Variants in SH2B3 observed in about 807,000 individuals in gnomAD.
SH2B3 encodes the protein SH2B adapter protein 3.
SH2B3 carries 43 observed loss-of-function variants against 51.9 expected under a neutral mutation model. The observed-to-expected ratio is 0.83, with a 90% CI of 0.65 to 1.07. The LOEUF (loss-of-function observed/expected upper bound fraction) is 1.07, where lower values mean the gene tolerates loss of function less well. SH2B3 is among the 50% of genes least tolerant of loss of function. The probability of loss-of-function intolerance (pLI) is 0.00; values close to 1 mark genes in which losing one functional copy is unlikely to be tolerated. For missense variants in SH2B3, 952 were observed against 834.3 expected (o/e 1.14, Z -1.74); for synonymous variants, 396 against 376.0 (o/e 1.05, Z -0.62).
At chr12:111,445,249 G>C (rs1234081763) in intron 2 of SH2B3, among the ~76,000 whole-genome samples, 3 of 152,228 alleles carry the variant, frequency 2.0e-5, no homozygotes, top group Admixed American at 2.0e-4. Flanking sequence ...CTGCAGCTAG[G>C]GGGAAGGGTG....
intron 2 of SH2B3, chr12:111,434,980 C>G: frequency 1.3e-6 from 2 of 1,535,626 alleles, no homozygotes; most frequent in Non-Finnish European, 1.7e-6. Context: ...CCCTCCACCC[C>G]AGAAGCCCTT....
chr12:111,430,954 A>G (rs1037878794), intron 2 of SH2B3, among the ~76,000 whole-genome samples: 2 of 139,076 alleles, frequency 1.4e-5, no homozygotes, highest in Admixed American at 1.5e-4. Context: ...GAAATCCCCC[A>G]CCCAGTTCTT....
At position 111,429,276 on chromosome 12, in the gene SH2B3, C is replaced by T. The variant is rs976741529; in HGVS notation, c.732+10399C>T. On this transcript the variant is annotated intron_variant, in intron 2 of 7. Coordinates refer to ENST00000341259, the MANE Select transcript of SH2B3 (RefSeq NM_005475.3). The surrounding 1 kb of genome is among the most constrained non-coding windows in gnomAD (Gnocchi z 4.4). ...AGCTGTGCCCAACACAGCCAGTGTT[C>T]GCTGGGGCCTGCAAGGCTTTGCTGC... Among the ~76,000 whole-genome samples, 3 of 152,196 alleles carry T rather than the reference C, an allele frequency of 2.0e-5. No homozygotes were observed. The highest frequency in any genetic ancestry group is 6.5e-5 in the Admixed American group (1 of 15,286).
chr12:111,420,083 CA>C (rs911170916), intron 2 of SH2B3, among the ~76,000 whole-genome samples: 1 of 152,180 alleles, frequency 6.6e-6, no homozygotes, highest in Non-Finnish European at 1.5e-5. Context: ...CTGGCATTGA[CA>C]GATTGGTGTT....
chr12:111,438,944 T>C lies in SH2B3; in HGVS notation c.733-7809T>C, dbSNP rs990516619. On this transcript the variant is annotated intron_variant, in intron 2 of 7. Transcript: ENST00000341259. This position sits in a 1 kb window ranked among gnomAD's most constrained non-coding sequence, Gnocchi z 4.2. ...GAGGAGGTAACAAGGGTCTCTCAGA[T>C]GAGGACCACAGGGGAGTTTTTGTTT... 6.6e-6 allele frequency among the ~76,000 whole-genome samples: 1 copy of C among 152,138 alleles called. No homozygotes were observed. The highest frequency in any genetic ancestry group is 1.5e-5 in the Non-Finnish European group (1 of 68,032).
chr12:111,419,637 A>C (rs1481921270), intron 2 of SH2B3, among the ~76,000 whole-genome samples: 1 of 121,972 alleles, frequency 8.2e-6, no homozygotes, highest in Non-Finnish European at 1.5e-5. Flanking sequence ...ACTCTGTCTC[A>C]AAAAAAAAAA....
In SH2B3 at chr12:111,429,014, G is replaced by GTGA; in HGVS notation, c.732+10137_732+10138insTGA. On this transcript the variant is annotated intron_variant, in intron 2 of 7. Coordinates refer to ENST00000341259, the MANE Select transcript of SH2B3 (RefSeq NM_005475.3). This position sits in a 1 kb window ranked among gnomAD's most constrained non-coding sequence, Gnocchi z 4.4. The stretch of plus-strand genomic sequence containing the variant: ...GGCGGTTTCCTCTCGGGGCAGGAGT[G>GTGA]CGAGGAGGAGGAGGAGGAGGAGGAG... Among the ~76,000 whole-genome samples the GTGA allele has an allele frequency of 7.0e-6, 1 of 142,536 alleles. No homozygotes were observed. The highest frequency in any genetic ancestry group is 1.5e-5 in the Non-Finnish European group (1 of 65,416). The allele number at this position is 142,536 out of a possible 152,430, so 93.5% of individuals were successfully genotyped here. A position where few individuals can be genotyped will look rare whatever the true frequency, so the allele number is the denominator to read the frequency against.
rs923627606 is a variant in SH2B3, at chr12:111,407,562, G to A, written c.-28+1285G>A. On this transcript the variant is annotated intron_variant, in intron 1 of 7. Transcript: ENST00000341259. The surrounding 1 kb of genome is among the most constrained non-coding windows in gnomAD (Gnocchi z 4.3). The stretch of plus-strand genomic sequence containing the variant: ...GACCTGCCCTCGTGGAGGGAGAGCC[G>A]TCAGAGGCCACCTGGGCAGGCTGGG... Among the ~76,000 whole-genome samples, 1 of 152,178 alleles carries A rather than the reference G, an allele frequency of 6.6e-6. No homozygotes were observed. Among genetic ancestry groups the A allele is most frequent in the African/African-American group, 2.4e-5 (1 of 41,438 alleles).
At chr12:111,424,755 G>C (rs1871857061) in intron 2 of SH2B3, among the ~76,000 whole-genome samples, 1 of 152,140 alleles carries the variant, frequency 6.6e-6, no homozygotes, top group Non-Finnish European at 1.5e-5. Context: ...ATGGGCCAAG[G>C]GTGCTCAGAC....
chr12:111,426,230 T>C (rs1188696955), intron 2 of SH2B3, among the ~76,000 whole-genome samples: 1 of 151,754 alleles, frequency 6.6e-6, no homozygotes, highest in Non-Finnish European at 1.5e-5. Flanking sequence ...TCAGACAAGG[T>C]AGGTTGGAGA....
intron 2 of SH2B3, among the ~76,000 whole-genome samples, chr12:111,428,560 G>A (rs929662251): frequency 2.6e-5 from 4 of 152,276 alleles, no homozygotes; most frequent in Non-Finnish European, 5.9e-5. Context: ...CACCCTTCTG[G>A]CAGGAGACAT....
rs755803213 is a variant in SH2B3 at position 111,447,785 on chromosome 12, G to A, written c.1366G>A (p.Val456Ile). 6.2e-7 allele frequency: 1 copy of A among 1,614,160 alleles called. No individual in the cohort carries two copies. Among genetic ancestry groups the A allele is most frequent in the South Asian group, 1.1e-5 (1 of 91,080 alleles). ...ACTCGAGTGCGGCGCCGCCTGTGAT[G>A]TCCGGCTCTCCAGCTACGTGGTAGT... ...IPLECGAACD[V>I]RLSSYVVVVS... Residue 456 changes from valine to isoleucine, a missense_variant, in exon 7 of 8, where the codon GTC becomes ATC. By Grantham distance (29) the Val-to-Ile change is conservative. Coordinates refer to ENST00000341259, the MANE Select transcript of SH2B3 (RefSeq NM_005475.3).
chr12:111,447,245 T>TAGCC, intron 5 of SH2B3, 26 bp downstream of exon 5: 1 of 1,598,512 alleles, frequency 6.3e-7, no homozygotes, highest in Non-Finnish European at 8.6e-7. Flanking sequence ...GCTAGGCCAT[T>TAGCC]GTCTTCTGGG....
chr12:111,422,759 G>A (rs1043913644), intron 2 of SH2B3, among the ~76,000 whole-genome samples: 3 of 151,458 alleles, frequency 2.0e-5, no homozygotes, highest in African/African-American at 4.9e-5. Context: ...ATGGGTTTTC[G>A]CCATGTTGGC....
At position 111,435,049 on chromosome 12, in the gene SH2B3, C is replaced by T. The variant is rs1166293864; in HGVS notation, c.733-11704C>T. On this transcript the variant is annotated intron_variant, in intron 2 of 7. Coordinates refer to ENST00000341259, the MANE Select transcript of SH2B3 (RefSeq NM_005475.3). The surrounding 1 kb of genome is among the most constrained non-coding windows in gnomAD (Gnocchi z 4.8). Reference sequence around the variant, plus strand: ...GAAGGCAGGCAGTAGCTACCGTTGTCTGGGGCTTTGGGGATCTTGGTGGTG... The same window carrying T: ...GAAGGCAGGCAGTAGCTACCGTTGTTTGGGGCTTTGGGGATCTTGGTGGTG... 6.5e-7 allele frequency: 1 copy of T among 1,529,094 alleles called. No homozygotes were observed. Among genetic ancestry groups the T allele is most frequent in the Non-Finnish European group, 8.8e-7 (1 of 1,141,360 alleles). The allele number at this position is 1,529,094 out of a possible 1,614,324, so 94.7% of individuals were successfully genotyped here.
chr12:111,447,020 T>G lies in SH2B3; in HGVS notation c.913T>G (p.Cys305Gly). 2 of 1,613,830 alleles carry G rather than the reference T, an allele frequency of 1.2e-6. No homozygotes were observed. Among genetic ancestry groups the G allele is most frequent in the South Asian group, 1.1e-5 (1 of 91,060 alleles). The change falls in exon 4 of 8, where the codon TGC (cysteine) becomes GGC (glycine). Residue 305 changes from cysteine to glycine, a missense_variant. Coordinates refer to ENST00000341259, the MANE Select transcript of SH2B3 (RefSeq NM_005475.3). ...TTCATGGATGGCTGAGCTCTCGGAG[T>G]GCACAGGCCGAGGGTGAGGTCCTGG... ...LNSWMAELSE[C>G]TGRGLESTEA...
Position 111,447,208 on chromosome 12 carries a change from C to A in SH2B3, c.1010C>A (p.Ser337Tyr). 6.2e-7 allele frequency: 1 copy of A among 1,613,082 alleles called. No individual in the cohort carries two copies. The highest frequency in any genetic ancestry group is 1.3e-5 in the African/African-American group (1 of 75,026). The change falls in exon 5 of 8, where the codon TCC (serine) becomes TAC (tyrosine). Residue 337 changes from serine to tyrosine, a missense_variant. Transcript: ENST00000341259. ...AGCTCCCCAAGGGGCAGCACAGATT[C>A]CCTTAACCAAGGTGGGTAAACCAAT... ...TSSSPRGSTDSLNQGASPGGL... is the reference protein window; with the variant it reads ...TSSSPRGSTDYLNQGASPGGL...
chr12:111,446,951 C>A lies in SH2B3; in HGVS notation c.844C>A (p.Arg282=), dbSNP rs772497470. The change falls in exon 4 of 8, where the codon CGG becomes AGG. Residue 282 remains arginine (R), a synonymous_variant. Transcript: ENST00000341259. ...CCTTCCTCCCTGCCAGGTGAAGGACCGGACAGACATCATCTTTGAGGTGGG... is the reference window on the plus strand; with the variant it reads ...CCTTCCTCCCTGCCAGGTGAAGGACAGGACAGACATCATCTTTGAGGTGGG... The part of the protein sequence containing the change: ...LYTFVLKVKD[R]TDIIFEVGDE... The A allele has an allele frequency of 1.2e-6, 2 of 1,613,896 alleles. No individual in the cohort carries two copies. Among genetic ancestry groups the A allele is most frequent in the South Asian group, 1.1e-5 (1 of 91,062 alleles).
At chr12:111,416,783 C>T (rs975798790) in intron 1 of SH2B3, among the ~76,000 whole-genome samples, 5 of 152,202 alleles carry the variant, frequency 3.3e-5, no homozygotes, top group South Asian at 4.1e-4. Flanking sequence ...CATGAGCCAC[C>T]GCGCGTGGCT....
Sources: allele counts gnomAD v4.1 joint callset (sites outside exome capture counted in the v4.1 genomes callset), GRCh38; gene constraint gnomAD v4.1.1; non-coding constraint Gnocchi (gnomAD v3.1); transcripts MANE v1.5; gene names NCBI Gene and HGNC (gene_info 2026-07-23, HGNC 2026-07-21).